The following RALB variants were observed in gnomAD, a reference collection of about 807,000 sequenced individuals.
The protein encoded by RALB is ras-related protein Ral-B.
RALB carries 16 observed loss-of-function variants against 21.3 expected under a neutral mutation model. That is an observed-to-expected ratio of 0.75 (90% confidence interval 0.51 to 1.14). The LOEUF is 1.14. RALB is among the 50% of genes most tolerant of loss of function. The probability of loss-of-function intolerance (pLI) is 0.00; values close to 1 mark genes in which losing one functional copy is unlikely to be tolerated. For synonymous variants in RALB, 93 were observed against 96.1 expected (o/e 0.97, Z 0.19); for missense variants, 161 against 256.2 (o/e 0.63, Z 2.54).
At chr2:120,255,048 C>G (rs765955530) in intron 1 of RALB, among the ~76,000 whole-genome samples, 11 of 152,268 alleles carry the variant, frequency 7.2e-5, no homozygotes, top group African/African-American at 2.2e-4. Context: ...ATTCTTACCC[C>G]CCTCATGTAA....
chr2:120,248,657 G>GT (rs1689008969), upstream of RALB, among the ~76,000 whole-genome samples: 1 of 152,218 alleles, frequency 6.6e-6, no homozygotes, highest in African/African-American at 2.4e-5. Context: ...CCAGAGTAAT[G>GT]TTTTTTCTTT....
chr2:120,270,174 T>C (rs1376604794), intron 1 of RALB, among the ~76,000 whole-genome samples: 1 of 151,708 alleles, frequency 6.6e-6, no homozygotes, highest in Non-Finnish European at 1.5e-5. Flanking sequence ...CTGTTTGTCT[T>C]TCAGTTCTTC....
At position 120,289,607 on chromosome 2, in the gene RALB, A is replaced by C. The variant is rs1046236799; in HGVS notation, c.351A>C (p.Glu117Asp). Reference sequence around the variant, plus strand: ...AACAGATTCTCCGTGTGAAGGCTGAAGAAGATAAAATTCCACTGCTCGTCG... The same window carrying C: ...AACAGATTCTCCGTGTGAAGGCTGACGAAGATAAAATTCCACTGCTCGTCG... ...FREQILRVKAEEDKIPLLVVG... is the reference protein window; with the variant it reads ...FREQILRVKADEDKIPLLVVG... Residue 117 changes from glutamate to aspartate, a missense_variant, in exon 4 of 5, where the codon GAA (glutamate) becomes GAC (aspartate). Physicochemically the swap from Glu to Asp is conservative, Grantham distance 45. Transcript: ENST00000272519. The C allele has an allele frequency of 1.2e-6, 2 of 1,614,090 alleles. No individual in the cohort carries two copies. The highest frequency in any genetic ancestry group is 1.7e-6 in the Non-Finnish European group (2 of 1,179,982).
chr2:120,263,030 C>G (rs1573331022), intron 1 of RALB, among the ~76,000 whole-genome samples: 1 of 152,318 alleles, frequency 6.6e-6, no homozygotes, highest in East Asian at 1.9e-4. Flanking sequence ...CCCTTCATTC[C>G]TCAGGACAAG....
intron 1 of RALB, among the ~76,000 whole-genome samples, chr2:120,258,868 C>T (rs937718129): frequency 5.3e-5 from 8 of 152,008 alleles, no homozygotes; most frequent in Middle Eastern, 3.4e-3. Context: ...CGCGGACCCT[C>T]GCGGTGAGTG....
chr2:120,249,875 C>G (rs1291970208), upstream of RALB, among the ~76,000 whole-genome samples: 2 of 152,230 alleles, frequency 1.3e-5, no homozygotes, highest in Non-Finnish European at 2.9e-5. Context: ...TCACTTTCCC[C>G]TGCTCACCAT....
intron 1 of RALB, among the ~76,000 whole-genome samples, chr2:120,256,961 T>C (rs1315291064): frequency 6.6e-6 from 1 of 152,246 alleles, no homozygotes; most frequent in Non-Finnish European, 1.5e-5. Flanking sequence ...CTGAGGTCTT[T>C]AGTATTGTAG....
intron 1 of RALB, among the ~76,000 whole-genome samples, chr2:120,266,602 T>G (rs1689508355): frequency 1.3e-5 from 2 of 152,114 alleles, no homozygotes; most frequent in Non-Finnish European, 2.9e-5. Flanking sequence ...TCCCAGTTAC[T>G]TGGGAAGCTG....
chr2:120,246,034 C>G (rs899653669), intron 1 of RALB, among the ~76,000 whole-genome samples: 1 of 152,354 alleles, frequency 6.6e-6, no homozygotes, highest in African/African-American at 2.4e-5. Context: ...CTTTTACCCC[C>G]CGACACCACC....
chr2:120,259,535 G>A (rs560015437), intron 1 of RALB, among the ~76,000 whole-genome samples: 1 of 152,202 alleles, frequency 6.6e-6, no homozygotes, highest in East Asian at 1.9e-4. Flanking sequence ...GACTCTCCAC[G>A]TCCTCACCAG....
intron 3 of RALB, among the ~76,000 whole-genome samples, chr2:120,288,979 T>C (rs1479216525): frequency 1.3e-5 from 2 of 152,204 alleles, no homozygotes; most frequent in Non-Finnish European, 1.5e-5. Context: ...ATATTCACCT[T>C]TCCTACTTGA....
At chr2:120,254,262 G>A (rs909133824) in intron 1 of RALB, among the ~76,000 whole-genome samples, 7 of 152,156 alleles carry the variant, frequency 4.6e-5, no homozygotes, top group African/African-American at 1.4e-4. Context: ...TAATTGTTAG[G>A]ATTAAACGAA....
At chr2:120,245,004 T>C (rs936316383) in intron 1 of RALB, among the ~76,000 whole-genome samples, 3 of 152,228 alleles carry the variant, frequency 2.0e-5, no homozygotes, top group African/African-American at 7.2e-5. Flanking sequence ...TCTCTGTCTC[T>C]TTCGTCAGCC....
intron 1 of RALB, among the ~76,000 whole-genome samples, chr2:120,242,610 C>T (rs1327878372): frequency 2.6e-5 from 4 of 151,986 alleles, no homozygotes; most frequent in Admixed American, 1.3e-4. Context: ...TGGTGGCAGG[C>T]GCCTGTTGTC....
intron 1 of RALB, among the ~76,000 whole-genome samples, chr2:120,278,015 G>A (rs1238152321): frequency 2.2e-5 from 3 of 138,632 alleles, no homozygotes; most frequent in Non-Finnish European, 4.7e-5. Context: ...GTGTGAGCAT[G>A]TGTGAATGTG....
chr2:120,272,520 C>T (rs546862861), intron 1 of RALB, among the ~76,000 whole-genome samples: 4 of 152,296 alleles, frequency 2.6e-5, no homozygotes, highest in South Asian at 2.1e-4. Flanking sequence ...AAAGTCCAGG[C>T]AGTGAGTGTA....
At chr2:120,287,396 G>T (rs933759835) in intron 3 of RALB, among the ~76,000 whole-genome samples, 10 of 152,224 alleles carry the variant, frequency 6.6e-5, no homozygotes, top group Non-Finnish European at 1.5e-4. Flanking sequence ...GAGAAGTTCT[G>T]TTAATTTTTA....
rs192180938 is a variant in RALB, at chr2:120,244,485, A to G, written c.19+4360A>G. The stretch of plus-strand genomic sequence containing the variant: ...CGCAGAGCCTCAGCGGGAGACTGGC[A>G]CTGTCAGTAAGCTGGGGTCAGTAAG... On this transcript the variant is annotated intron_variant, in intron 1 of 3. Coordinates refer to the RALB transcript ENST00000447591. Among the ~76,000 whole-genome samples, 95 of 152,320 alleles carry G rather than the reference A, an allele frequency of 6.2e-4. 1 individual carries two copies. Among genetic ancestry groups the G allele is most frequent in the Admixed American group, 6.2e-3 (95 of 15,310 alleles).
In RALB at chr2:120,252,999, C is replaced by G. The variant is rs1689094404; in HGVS notation, c.-48+19C>G. On this transcript the variant is annotated intron_variant, in intron 1 of 4. Transcript: ENST00000272519. ...GTCCCTGGTAAGGGCGCGGCGCCCG[C>G]GGGCCCCGGGCGGGGTGGGGCGCGG... 1 of 984,440 alleles carries G rather than the reference C, an allele frequency of 1.0e-6. No homozygotes were observed. The highest frequency in any genetic ancestry group is 1.7e-5 in the African/African-American group (1 of 57,226). The allele number at this position is 984,440 out of a possible 1,614,324, so 61.0% of individuals were successfully genotyped here. A position where few individuals can be genotyped will look rare whatever the true frequency, so the allele number is the denominator to read the frequency against.
Sources: allele counts gnomAD v4.1 joint callset (sites outside exome capture counted in the v4.1 genomes callset), GRCh38; gene constraint gnomAD v4.1.1; transcripts MANE v1.5; gene names NCBI Gene and HGNC (gene_info 2026-07-23, HGNC 2026-07-21).